BTN3A2: variants seen among roughly 807,000 people sequenced by gnomAD.
BTN3A2 encodes the protein butyrophilin protein.
In BTN3A2, 25 loss-of-function variants were observed where a neutral mutation model predicts 37.6. The ratio of observed to expected loss-of-function variants is 0.66; its 90% CI spans 0.48 to 0.93. BTN3A2 has a LOEUF of 0.93. Among genes scored for constraint, BTN3A2 ranks in the 40% least tolerant of loss-of-function variants. The pLI is 0.00. For synonymous variants in BTN3A2, 122 were observed against 159.4 expected (o/e 0.77, Z 1.77); for missense variants, 266 against 410.9 (o/e 0.65, Z 3.05).
At chr6:26,371,358 A>T (rs1760094883) in intron 5 of BTN3A2, among the ~76,000 whole-genome samples, 1 of 152,204 alleles carries the variant, frequency 6.6e-6, no homozygotes, top group Non-Finnish European at 1.5e-5. Flanking sequence ...TAACTCACAA[A>T]AGGGTGCTCA....
rs760733555 is a variant in BTN3A2 at position 26,372,931 on chromosome 6, A to G, written c.750A>G (p.Ala250=). The change falls in exon 6 of 11, where the codon GCA becomes GCG. Residue 250 remains alanine, a synonymous_variant. Transcript: ENST00000377708. ...PFFRSAQPWI[A]ALAGTLPILL... The stretch of plus-strand genomic sequence containing the variant: ...TCAGGAGCGCCCAGCCCTGGATCGC[A>G]GCCCTGGCAGGGACCCTGCCTATCT... 1.2e-5 allele frequency: 20 copies of G among 1,614,086 alleles called. No individual in the cohort carries two copies. Among genetic ancestry groups the G allele is most frequent in the South Asian group, 2.2e-5 (2 of 91,072 alleles).
At chr6:26,375,048 G>A (rs969189588) in intron 10 of BTN3A2, 15 of 392,434 alleles carry the variant, frequency 3.8e-5, no homozygotes, top group African/African-American at 2.9e-4. Context: ...TCCTTCCCAG[G>A]CTTCTCATGC....
At chr6:26,365,414 G>T (rs1173368971) in intron 1 of BTN3A2, 62 bp downstream of exon 1, 3 of 1,523,182 alleles carry the variant, frequency 2.0e-6, no homozygotes, top group Non-Finnish European at 2.6e-6. Flanking sequence ...GGGCTGAATC[G>T]CTGAGAGTGG....
At chr6:26,373,501 G>C in intron 8 of BTN3A2, 88 bp downstream of exon 8, 1 of 1,465,774 alleles carries the variant, frequency 6.8e-7, no homozygotes, top group South Asian at 1.4e-5. Flanking sequence ...ATAGCCCAGG[G>C]TTGAAAAGTG....
intron 5 of BTN3A2, chr6:26,372,687 C>A (rs753764101): frequency 5.4e-6 from 3 of 560,646 alleles, no homozygotes; most frequent in Non-Finnish European, 9.2e-6. Context: ...AGGCAGACAT[C>A]TCAAGATAAG....
At chr6:26,374,222 A>C in intron 8 of BTN3A2, 105 bp from the exon 9 acceptor site, 7 of 381,270 alleles carry the variant, frequency 1.8e-5, no homozygotes, top group East Asian at 4.4e-5. Context: ...AAAAAAAAAA[A>C]AAAAAAAAAA....
intron 5 of BTN3A2, among the ~76,000 whole-genome samples, chr6:26,371,927 C>T (rs1760156465): frequency 6.6e-6 from 1 of 152,182 alleles, no homozygotes; most frequent in South Asian, 2.1e-4. Context: ...GATCCACCCG[C>T]CTCAGCCTCC....
rs112185552 is a variant in BTN3A2, at chr6:26,377,151, A to T, written c.*1389A>T. On this transcript the variant is annotated 3_prime_UTR_variant, in exon 11 of 11. Coordinates refer to ENST00000377708, the MANE Select transcript of BTN3A2 (RefSeq NM_007047.5). ...CCTAGTGCCTGATCATTCCCTGGAGATACCACTGACCCCAGGCTTAGCTAA... is the reference window on the plus strand; with the variant it reads ...CCTAGTGCCTGATCATTCCCTGGAGTTACCACTGACCCCAGGCTTAGCTAA... The T allele has an allele frequency of 3.4e-3, 4,348 of 1,275,240 alleles. 24 individuals carry two copies. Among genetic ancestry groups the T allele is most frequent in the Middle Eastern group, 7.5e-3 (39 of 5,224 alleles). 79.0% of individuals were successfully genotyped at this position (1,275,240 alleles called of 1,614,324 possible).
intron 4 of BTN3A2, among the ~76,000 whole-genome samples, 182 bp from the exon 5 acceptor site, chr6:26,370,140 T>A (rs577612782): frequency 1.3e-5 from 2 of 152,308 alleles, no homozygotes; most frequent in African/African-American, 2.4e-5. Context: ...CCCCACTGTT[T>A]CTGACCCTGG....
intron 4 of BTN3A2, among the ~76,000 whole-genome samples, chr6:26,369,486 G>T (rs1759884304): frequency 6.6e-6 from 1 of 152,172 alleles, no homozygotes. Flanking sequence ...GGGGATTGGG[G>T]CCGGGGGAGT....
chr6:26,369,418 C>A (rs184807401), intron 4 of BTN3A2, among the ~76,000 whole-genome samples: 41 of 152,208 alleles, frequency 2.7e-4, no homozygotes, highest in African/African-American at 8.9e-4. Context: ...GGAGCTGTGG[C>A]GGGGTCTCAG....
intron 10 of BTN3A2, 77 bp from the exon 11 acceptor site, chr6:26,375,720 G>A: frequency 6.5e-7 from 1 of 1,541,400 alleles, no homozygotes; most frequent in South Asian, 1.2e-5. Context: ...TTCCTTCATG[G>A]CCTGCTGTGG....
At chr6:26,375,474 G>A (rs1561811460) in intron 10 of BTN3A2, 3 of 606,530 alleles carry the variant, frequency 4.9e-6, no homozygotes, top group Non-Finnish European at 8.5e-6. Context: ...GAAATTAAAC[G>A]GTGTGTATCT....
chr6:26,374,201 TAAAAAAAAAAAAAAAAAAAAAAAAAAAAA>T, intron 8 of BTN3A2, 97 bp from the exon 9 acceptor site: 1 of 245,220 alleles, frequency 4.1e-6, no homozygotes, highest in Non-Finnish European at 6.6e-6. Context: ...GGTGGGATGG[TAAAAAAAAAAAAAAAAAAAAAAAAAAAAA>T]AAAAAAAAAA....
chr6:26,368,434 A>T, intron 3 of BTN3A2, 131 bp from the exon 4 acceptor site: 2 of 1,529,236 alleles, frequency 1.3e-6, no homozygotes, highest in Non-Finnish European at 1.8e-6. Context: ...AAAGAGACAA[A>T]TGGTCCTTCT....
chr6:26,367,268 A>G lies in BTN3A2; in HGVS notation c.-66-722A>G, dbSNP rs548223779. Among the ~76,000 whole-genome samples, 59 of 152,298 alleles carry G rather than the reference A, an allele frequency of 3.9e-4. 1 individual carries two copies. Among genetic ancestry groups the G allele is most frequent in the Middle Eastern group, 3.4e-3 (1 of 294 alleles). ...CCAGTCTCTTGTGAGTGGCTGGTTC[A>G]GTTGGTAACCACTTTTATACTTTAA... On this transcript the variant is annotated intron_variant, in intron 1 of 10. Transcript: ENST00000377708.
At position 26,373,237 on chromosome 6, in the gene BTN3A2, C is replaced by CTTTTTTTTTTTTT. The variant is rs750198408; in HGVS notation, c.917-26_917-14dup. ...ACCAACCTCACCCATAACAGTTCAT[C>CTTTTTTTTTTTTT]TTTTTTTTTTTTTTTTTTTTTTTTT... is the stretch of plus-strand genomic sequence containing the variant. On this transcript the variant is annotated intron_variant, in intron 6 of 10. Coordinates refer to ENST00000377708, the MANE Select transcript of BTN3A2 (RefSeq NM_007047.5). 6.8e-5 allele frequency: 92 copies of CTTTTTTTTTTTTT among 1,352,774 alleles called. 3 individuals carry two copies. Among genetic ancestry groups the CTTTTTTTTTTTTT allele is most frequent in the South Asian group, 2.9e-4 (22 of 75,514 alleles). The allele number at this position is 1,352,774 out of a possible 1,614,324, so 83.8% of individuals were successfully genotyped here.
chr6:26,370,643 G>A (rs1441528973), intron 5 of BTN3A2, 40 bp downstream of exon 5: 1 of 1,609,860 alleles, frequency 6.2e-7, no homozygotes. Context: ...GAGCTGAGCT[G>A]TGGCAGTTGA....
chr6:26,369,544 T>G (rs1403404381), intron 4 of BTN3A2, among the ~76,000 whole-genome samples: 1 of 152,088 alleles, frequency 6.6e-6, no homozygotes, highest in Non-Finnish European at 1.5e-5. Flanking sequence ...CAGGAAGGTG[T>G]GGGCAGGTTA....
Sources: gnomAD v4.1 joint callset for allele counts (sites outside exome capture counted in the v4.1 genomes callset) on GRCh38, gnomAD v4.1.1 for gene constraint, MANE v1.5 for transcripts, NCBI Gene and HGNC (gene_info 2026-07-23, HGNC 2026-07-21) for gene names.